TCEANC2: variants seen among roughly 807,000 people sequenced by gnomAD.
The protein encoded by TCEANC2 is transcription elongation factor A N-terminal and central domain containing 2.
Under a neutral mutation model 22.8 loss-of-function variants are expected in TCEANC2, and 20 were observed. The observed-to-expected ratio is 0.88, with a 90% CI of 0.62 to 1.28. The LOEUF (loss-of-function observed/expected upper bound fraction) is 1.28. Ranked by LOEUF, TCEANC2 falls within the 50% of genes most tolerant of loss-of-function variation. The pLI is 0.00. For missense variants in TCEANC2, 251 were observed against 249.7 expected (o/e 1.01, Z -0.03); for synonymous variants, 84 against 95.5 (o/e 0.88, Z 0.70).
In TCEANC2 at chr1:54,105,770, T is replaced by G. The variant is rs575577564; in HGVS notation, c.*9297T>G. ...GCCTCCCGAGTAGCTGGGACTACCA[T>G]GCCACCACACCCAGCTAATTTTTTT... On this transcript the variant is annotated 3_prime_UTR_variant, in exon 5 of 5. Transcript: ENST00000234827. 6.6e-5 allele frequency: 10 copies of G among 152,144 alleles called. No individual in the cohort carries two copies. Among genetic ancestry groups the G allele is most frequent in the South Asian group, 6.2e-4 (3 of 4,818 alleles). 9.4% of individuals were successfully genotyped at this position (152,144 alleles called of 1,614,324 possible).
intron 2 of TCEANC2, among the ~76,000 whole-genome samples, chr1:54,060,004 A>C (rs963464066): frequency 1.3e-5 from 2 of 152,158 alleles, no homozygotes; most frequent in Non-Finnish European, 2.9e-5. Flanking sequence ...GTGGTGGCTC[A>C]TGCCTATAAT....
Position 54,103,640 on chromosome 1 carries a change from T to G in TCEANC2, c.*7167T>G, listed in dbSNP as rs1355107861. The G allele has an allele frequency of 6.6e-6, 1 of 152,192 alleles. No individual in the cohort carries two copies. The highest frequency in any genetic ancestry group is 1.5e-5 in the Non-Finnish European group (1 of 68,038). The allele number at this position is 152,192 out of a possible 1,614,324, so 9.4% of individuals were successfully genotyped here. A position where few individuals can be genotyped will look rare whatever the true frequency, so the allele number is the denominator to read the frequency against. On this transcript the variant is annotated 3_prime_UTR_variant, in exon 5 of 5. Transcript: ENST00000234827. ...CCACTCACCAAGACTGATCTAGCTATTGCTGCTGCTGAGTGTTCGGCCTGC... is the reference window on the plus strand; with the variant it reads ...CCACTCACCAAGACTGATCTAGCTAGTGCTGCTGCTGAGTGTTCGGCCTGC...
chr1:54,074,871 A>G (rs1367054257), intron 3 of TCEANC2, among the ~76,000 whole-genome samples: 1 of 152,230 alleles, frequency 6.6e-6, no homozygotes, highest in Admixed American at 6.5e-5. Flanking sequence ...TTGAAAGAAA[A>G]GAGAGGTGAC....
intron 3 of TCEANC2, among the ~76,000 whole-genome samples, chr1:54,073,099 G>A (rs1309331669): frequency 6.6e-6 from 1 of 152,130 alleles, no homozygotes; most frequent in Non-Finnish European, 1.5e-5. Flanking sequence ...CCGAGTAGCT[G>A]GGACTACAGG....
chr1:54,090,093 C>A (rs903375947), intron 4 of TCEANC2: 3 of 591,370 alleles, frequency 5.1e-6, no homozygotes, highest in Non-Finnish European at 9.4e-6. Flanking sequence ...ATGGAGAGAT[C>A]AGTAATCATT....
At chr1:54,089,523 C>T (rs1455253495) in intron 4 of TCEANC2, among the ~76,000 whole-genome samples, 3 of 152,280 alleles carry the variant, frequency 2.0e-5, no homozygotes, top group East Asian at 3.9e-4. Context: ...CATCAAACAA[C>T]AAATCTTATA....
intron 3 of TCEANC2, among the ~76,000 whole-genome samples, chr1:54,070,178 T>C (rs1320393935): frequency 1.3e-5 from 2 of 152,194 alleles, no homozygotes; most frequent in African/African-American, 4.8e-5. Flanking sequence ...TATAAGACCC[T>C]ATCATTGTAG....
At position 54,088,738 on chromosome 1, in the gene TCEANC2, A is replaced by C; in HGVS notation, c.386A>C (p.Glu129Ala). 1 of 1,602,236 alleles carries C rather than the reference A, an allele frequency of 6.2e-7. No individual in the cohort carries two copies. The highest frequency in any genetic ancestry group is 8.5e-7 in the Non-Finnish European group (1 of 1,174,376). Residue 129 changes from glutamate (E) to alanine (A), a missense_variant, in exon 4 of 5, where the codon GAG becomes GCG. Coordinates refer to ENST00000234827, the MANE Select transcript of TCEANC2 (RefSeq NM_153035.3). The stretch of plus-strand genomic sequence containing the variant: ...GAAGTTAGAAGTGATCCCAAAACCG[A>C]GTCGTTGAGGAAAAATGCTCAGAAA... ...SIEVRSDPKT[E>A]SLRKNAQKLL...
At chr1:54,069,464 C>T (rs1658017194) in intron 3 of TCEANC2, among the ~76,000 whole-genome samples, 1 of 152,058 alleles carries the variant, frequency 6.6e-6, no homozygotes, top group Non-Finnish European at 1.5e-5. Flanking sequence ...AAAAATTAGC[C>T]AGACATGGTG....
rs1349969184 is a variant in TCEANC2, at chr1:54,104,548, T to G, written c.*8075T>G. 2 of 453,868 alleles carry G rather than the reference T, an allele frequency of 4.4e-6. No homozygotes were observed. The highest frequency in any genetic ancestry group is 4.8e-5 in the Admixed American group (2 of 42,100). The allele number at this position is 453,868 out of a possible 1,614,324, so 28.1% of individuals were successfully genotyped here. ...TGGTATTCCTTTGCCCAATTTTTTT[T>G]TCTTTTTCTTTTTCAGAGGTGGAGT... On this transcript the variant is annotated 3_prime_UTR_variant, in exon 5 of 5. Transcript: ENST00000234827.
At chr1:54,065,282 A>G (rs1169571749) in intron 2 of TCEANC2, among the ~76,000 whole-genome samples, 2 of 152,248 alleles carry the variant, frequency 1.3e-5, no homozygotes, top group African/African-American at 4.8e-5. Flanking sequence ...CTTAGTATGT[A>G]TCATACAGAA....
Position 54,096,201 on chromosome 1 carries a change from C to T in TCEANC2, c.439-84C>T, listed in dbSNP as rs140688181. 1 of 1,482,992 alleles carries T rather than the reference C, an allele frequency of 6.7e-7. No homozygotes were observed. The highest frequency in any genetic ancestry group is 1.4e-5 in the African/African-American group (1 of 71,680). The allele number at this position is 1,482,992 out of a possible 1,614,324, so 91.9% of individuals were successfully genotyped here. On this transcript the variant is annotated intron_variant, in intron 4 of 4. Transcript: ENST00000234827. The surrounding 1 kb of genome is among the most constrained non-coding windows in gnomAD (Gnocchi z 4.9). Reference sequence around the variant, plus strand: ...TGAATTTCAGTTGATTAATGGAGGCCTCTGAGCAGAGTGCTCCAGCCTCTC... The same window carrying T: ...TGAATTTCAGTTGATTAATGGAGGCTTCTGAGCAGAGTGCTCCAGCCTCTC...
chr1:54,054,000 G>A lies in TCEANC2; in HGVS notation c.-43+242G>A, dbSNP rs1315761425. 24 of 207,650 alleles carry A rather than the reference G, an allele frequency of 1.2e-4. 1 individual carries two copies. Among genetic ancestry groups the A allele is most frequent in the Non-Finnish European group, 2.1e-4 (22 of 105,546 alleles). The allele number at this position is 207,650 out of a possible 1,614,324, so 12.9% of individuals were successfully genotyped here. A position where few individuals can be genotyped will look rare whatever the true frequency, so the allele number is the denominator to read the frequency against. On this transcript the variant is annotated intron_variant, in intron 1 of 4. Coordinates refer to ENST00000234827, the MANE Select transcript of TCEANC2 (RefSeq NM_153035.3). ...ACCCTTGGGATTATGGCTGTGGTGAGGTGGTTGTTAAGAGGGCGTCACTGA... is the reference window on the plus strand; with the variant it reads ...ACCCTTGGGATTATGGCTGTGGTGAAGTGGTTGTTAAGAGGGCGTCACTGA...
rs1363712742 is a variant in TCEANC2 at position 54,085,668 on chromosome 1, G to A, written c.245-2929G>A. On this transcript the variant is annotated intron_variant, in intron 3 of 4. Coordinates refer to ENST00000234827, the MANE Select transcript of TCEANC2 (RefSeq NM_153035.3). ...TATATTTGTGTAGAAGTATTTGGTT[G>A]TAATCTAATAAAAATAGCCTACTGA... Among the ~76,000 whole-genome samples, 3 of 152,074 alleles carry A rather than the reference G, an allele frequency of 2.0e-5. No individual in the cohort carries two copies. In the East Asian group the frequency reaches 5.8e-4, roughly 29 times the overall value.
chr1:54,065,551 C>T (rs1194063856), intron 2 of TCEANC2, among the ~76,000 whole-genome samples: 1 of 151,956 alleles, frequency 6.6e-6, no homozygotes, highest in African/African-American at 2.4e-5. Context: ...GACCCCACAT[C>T]TACAAAAAAA....
At chr1:54,076,747 C>T (rs922405583) in intron 3 of TCEANC2, among the ~76,000 whole-genome samples, 1 of 152,194 alleles carries the variant, frequency 6.6e-6, no homozygotes, top group Non-Finnish European at 1.5e-5. Context: ...TTCAGATATT[C>T]ATTCATGTGC....
At chr1:54,057,109 T>G (rs901920533) in intron 2 of TCEANC2, among the ~76,000 whole-genome samples, 5 of 151,852 alleles carry the variant, frequency 3.3e-5, no homozygotes, top group African/African-American at 9.7e-5. Context: ...TAGCTTTTCT[T>G]CCAAACCTCT....
intron 2 of TCEANC2, among the ~76,000 whole-genome samples, chr1:54,057,228 G>GT (rs779950368): frequency 0.073 from 7,252 of 99,896 alleles, 319 homozygotes; most frequent in African/African-American, 0.14. Flanking sequence ...TTTTTTCTTT[G>GT]TTTTTTTTTT....
chr1:54,076,265 A>T (rs1447916014), intron 3 of TCEANC2, among the ~76,000 whole-genome samples: 1 of 152,066 alleles, frequency 6.6e-6, no homozygotes, highest in Non-Finnish European at 1.5e-5. Context: ...CTCCACCCTC[A>T]AGTAGACCTC....
Sources: gnomAD v4.1 joint callset for allele counts (sites outside exome capture counted in the v4.1 genomes callset) on GRCh38, gnomAD v4.1.1 for gene constraint, Gnocchi (gnomAD v3.1) non-coding constraint, MANE v1.5 for transcripts, NCBI Gene and HGNC (gene_info 2026-07-23, HGNC 2026-07-21) for gene names.